The following RCOR2 variants were observed in gnomAD, a reference collection of about 807,000 sequenced individuals.
The protein encoded by RCOR2 is REST corepressor 2.
Under a neutral mutation model 58.9 loss-of-function variants are expected in RCOR2, and 19 were observed. The ratio of observed to expected loss-of-function variants is 0.32; its 90% CI spans 0.23 to 0.47. RCOR2 has a LOEUF of 0.47. Among genes scored for constraint, RCOR2 ranks in the 20% least tolerant of loss-of-function variants. The pLI, the probability that RCOR2 is intolerant of heterozygous loss-of-function variation, is 1.00. For synonymous variants in RCOR2, 286 were observed against 278.7 expected (o/e 1.03, Z -0.26); for missense variants, 590 against 707.9 (o/e 0.83, Z 1.89).
chr11:63,921,038 G>A (rs796627233), upstream of RCOR2, among the ~76,000 whole-genome samples: 40 of 152,368 alleles, frequency 2.6e-4, no homozygotes, highest in African/African-American at 9.1e-4. Context: ...TGGCCCTTGG[G>A]GGAGGATGCA....
intron 5 of RCOR2, 39 bp downstream of exon 5, chr11:63,914,616 G>A (rs1941830289): frequency 6.2e-7 from 1 of 1,606,696 alleles, no homozygotes; most frequent in Non-Finnish European, 8.5e-7. Context: ...GAAAGGAGGG[G>A]CAGAGGAGCG....
upstream of RCOR2, among the ~76,000 whole-genome samples, chr11:63,918,502 T>C (rs1941892647): frequency 6.6e-6 from 1 of 152,164 alleles, no homozygotes; most frequent in Non-Finnish European, 1.5e-5. Context: ...CTACGGGGCC[T>C]TTATCCTCCT....
rs1316678447 is a variant in RCOR2, at chr11:63,916,319, A to G, written c.127+11T>C. On this transcript the variant is annotated intron_variant, in intron 1 of 11. Transcript: ENST00000301459. ...GCCGGCGCGCCTTTAACCCTAGGCC[A>G]CCGGGCTCACCGTGCGAGTGCTCCT... 6.3e-7 allele frequency: 1 copy of G among 1,597,912 alleles called. No homozygotes were observed. The highest frequency in any genetic ancestry group is 8.5e-7 in the Non-Finnish European group (1 of 1,174,028).
At chr11:63,920,614 T>C (rs1032402192), upstream of RCOR2, among the ~76,000 whole-genome samples, 3 of 151,780 alleles carry the variant, frequency 2.0e-5, no homozygotes, top group Non-Finnish European at 4.4e-5. Flanking sequence ...AAAACCTGGC[T>C]GAGCAATTAG....
chr11:63,918,756 G>A (rs184026381), upstream of RCOR2, among the ~76,000 whole-genome samples: 657 of 152,154 alleles, frequency 4.3e-3, 3 homozygotes, highest in Non-Finnish European at 7.9e-3. Context: ...CCTCTCCTAC[G>A]GTGCTGTCTT....
At chr11:63,915,676 G>A in intron 1 of RCOR2, 65 bp from the exon 2 acceptor site, 1 of 1,297,508 alleles carries the variant, frequency 7.7e-7, no homozygotes, top group East Asian at 2.6e-5. Context: ...GATGTGGCGG[G>A]CGGGGGAGGT....
intron 8 of RCOR2, among the ~76,000 whole-genome samples, chr11:63,913,182 A>ATTT (rs1191861588): frequency 0.023 from 1,843 of 81,024 alleles, 12 homozygotes; most frequent in Non-Finnish European, 0.035. Flanking sequence ...ATATATATAT[A>ATTT]TATTTTTTTT....
upstream of RCOR2, among the ~76,000 whole-genome samples, chr11:63,921,688 C>T (rs1266737761): frequency 6.6e-6 from 1 of 152,132 alleles, no homozygotes; most frequent in Non-Finnish European, 1.5e-5. Context: ...GGAGTAACAA[C>T]ATCAATGCTG....
the RCOR2 span, among the ~76,000 whole-genome samples, chr11:63,923,165 T>C: frequency 1.3e-5 from 2 of 151,906 alleles, no homozygotes; most frequent in African/African-American, 4.8e-5. Context: ...AGGCTTTGCA[T>C]CACCCTCAGT....
At chr11:63,914,392 G>A in intron 6 of RCOR2, 25 bp downstream of exon 6, 1 of 1,613,274 alleles carries the variant, frequency 6.2e-7, no homozygotes, top group Non-Finnish European at 8.5e-7. Flanking sequence ...CTACCCCCAT[G>A]CCCAGTGCTT....
rs951007541 is a variant in RCOR2 at position 63,911,656 on chromosome 11, C to T, written c.*209G>A. 1.2e-5 allele frequency: 9 copies of T among 748,140 alleles called. 1 individual carries two copies. The Admixed American group carries it at 1.2e-4, about 10-fold the overall frequency. The allele number at this position is 748,140 out of a possible 1,614,324, so 46.3% of individuals were successfully genotyped here. Reference sequence around the variant, plus strand: ...AGTGCCCTCAGGCCAGCTCAAAGGCCCCTGAGCCCGGCCATGGCCCCAGGA... The same window carrying T: ...AGTGCCCTCAGGCCAGCTCAAAGGCTCCTGAGCCCGGCCATGGCCCCAGGA... On this transcript the variant is annotated 3_prime_UTR_variant, in exon 12 of 12. Transcript: ENST00000301459.
chr11:63,917,927 G>A (rs987644249), upstream of RCOR2, among the ~76,000 whole-genome samples: 8 of 152,090 alleles, frequency 5.3e-5, no homozygotes, highest in Non-Finnish European at 8.8e-5. Flanking sequence ...CAGGGAAGCG[G>A]GTAGAGCGGC....
the RCOR2 span, among the ~76,000 whole-genome samples, chr11:63,924,123 G>A: frequency 3.3e-5 from 5 of 152,260 alleles, no homozygotes; most frequent in South Asian, 8.3e-4. Context: ...AGTCAGGCTG[G>A]TCTCAAACTC....
rs71039683 is a variant in RCOR2, at chr11:63,913,184, A to ATT, written c.892-239_892-238dup. Among the ~76,000 whole-genome samples the ATT allele has an allele frequency of 6.9e-3, 539 of 77,836 alleles. 3 individuals are homozygous for ATT. The highest frequency in any genetic ancestry group is 0.011 in the African/African-American group (191 of 17,130). 51.1% of individuals were successfully genotyped at this position (77,836 alleles called of 152,430 possible). ...TTTTTATATATATATATATATATAT[A>ATT]TTTTTTTTTTTTTTTTTTTGAGAAG... On this transcript the variant is annotated intron_variant, in intron 8 of 11. Transcript: ENST00000301459.
At chr11:63,915,647 G>T in intron 1 of RCOR2, 36 bp from the exon 2 acceptor site, 1 of 1,382,372 alleles carries the variant, frequency 7.2e-7, no homozygotes, top group Non-Finnish European at 1.0e-6. Context: ...GGACTCCAGG[G>T]AGGGCGGGCG....
the RCOR2 span, among the ~76,000 whole-genome samples, chr11:63,923,651 C>T: frequency 2.0e-5 from 3 of 152,144 alleles, no homozygotes; most frequent in Non-Finnish European, 2.9e-5. Flanking sequence ...GACTTCAAAC[C>T]CTTTATGTGG....
At chr11:63,927,014 G>A in the RCOR2 span, among the ~76,000 whole-genome samples, 1 of 151,168 alleles carries the variant, frequency 6.6e-6, no homozygotes, top group Non-Finnish European at 1.5e-5. Context: ...TAGTAGAGAC[G>A]GGGTTTCACC....
chr11:63,912,429 T>C lies in RCOR2; in HGVS notation c.1133A>G (p.Asn378Ser), dbSNP rs761854414. 7 of 1,613,784 alleles carry C rather than the reference T, an allele frequency of 4.3e-6. No homozygotes were observed. The African/African-American group carries it at 5.3e-5, about 12-fold the overall frequency. Residue 378 changes from asparagine (N) to serine (S), a missense_variant, in exon 11 of 12, where the codon AAT becomes AGT. Transcript: ENST00000301459. ...TFFVSYRRRF[N>S]LEEVLQEWEA... is the part of the protein sequence containing the mutation. ...CCATTCCTGCAGCACCTCCTCCAGA[T>C]TGAAGCGGCGCCGGTAGCTCACAAA...
intron 4 of RCOR2, 28 bp from the exon 5 acceptor site, chr11:63,914,844 CTGA>C: frequency 6.4e-7 from 1 of 1,569,480 alleles, no homozygotes; most frequent in Non-Finnish European, 8.6e-7. Context: ...GCAGCTGAGC[CTGA>C]GCTGCCCCGG....
Sources: allele counts gnomAD v4.1 joint callset (sites outside exome capture counted in the v4.1 genomes callset), GRCh38; gene constraint gnomAD v4.1.1; transcripts MANE v1.5; gene names NCBI Gene and HGNC (gene_info 2026-07-23, HGNC 2026-07-21).